Variants in RAB26 observed in about 807,000 individuals in gnomAD.
RAB26 encodes the protein RAB26, member RAS oncogene family.
A neutral mutation model predicts 33.1 loss-of-function variants in RAB26; 39 were observed. The ratio of observed to expected loss-of-function variants is 1.18; its 90% CI spans 0.91 to 1.54. RAB26 has a LOEUF of 1.54. Among genes scored for constraint, RAB26 ranks in the 40% most tolerant of loss-of-function variants. RAB26 has a pLI of 0.00. For missense variants in RAB26, 468 were observed against 362.9 expected, an observed-to-expected ratio of 1.29 and a Z score of -2.35; for synonymous variants, 192 against 151.9, an observed-to-expected ratio of 1.26 and a Z score of -1.94.
At position 2,153,105 on chromosome 16, in the gene RAB26, C is replaced by T. The variant is rs116563915; in HGVS notation, c.592-41C>T. The T allele has an allele frequency of 4.2e-3, 6,842 of 1,613,122 alleles. 278 individuals carry two copies. In the African/African-American group the frequency reaches 0.08, roughly 19 times the overall value. On this transcript the variant is annotated intron_variant, in intron 7 of 8. Coordinates refer to ENST00000210187, the MANE Select transcript of RAB26 (RefSeq NM_014353.5). ...CCTGGAGGCTGCGAGCCTAGGCTGT[C>T]CCCGCCAGGCCACCACCTGGCTGGC...
At chr16:2,152,190 A>T (rs1273286924) in intron 5 of RAB26, among the ~76,000 whole-genome samples, 1 of 152,234 alleles carries the variant, frequency 6.6e-6, no homozygotes, top group Non-Finnish European at 1.5e-5. Flanking sequence ...ATGGCGGCTC[A>T]CCTGAGGTCA....
In RAB26 at chr16:2,153,520, C is replaced by T. The variant is rs879702403; in HGVS notation, c.*99C>T. On this transcript the variant is annotated 3_prime_UTR_variant, in exon 9 of 9. Coordinates refer to ENST00000210187, the MANE Select transcript of RAB26 (RefSeq NM_014353.5). ...TCTGACTTTGTTGCCCAGTGGCCAA[C>T]GCCCGAGTGTCTGTTTTCAGGAGCC... 24 of 1,102,116 alleles carry T rather than the reference C, an allele frequency of 2.2e-5. No homozygotes were observed. The highest frequency in any genetic ancestry group is 2.9e-5 in the Non-Finnish European group (22 of 755,300). The allele number at this position is 1,102,116 out of a possible 1,614,324, so 68.3% of individuals were successfully genotyped here. A position where few individuals can be genotyped will look rare whatever the true frequency, so the allele number is the denominator to read the frequency against.
At chr16:2,153,107 C>T (rs898694219) in intron 7 of RAB26, 39 bp from the exon 8 acceptor site, 1 of 1,613,048 alleles carries the variant, frequency 6.2e-7, no homozygotes, top group Admixed American at 1.7e-5. Flanking sequence ...TAGGCTGTCC[C>T]CGCCAGGCCA....
Position 2,148,871 on chromosome 16 carries a change from C to G in RAB26, c.88C>G (p.Arg30Gly). The change falls in exon 1 of 9, where the codon CGC becomes GGC. Residue 30 changes from arginine (R) to glycine (G), a missense_variant. Transcript: ENST00000210187. ...LPTANGARPA[R>G]SGTALSGPDA... ...CACCGCCAACGGGGCCCGACCGGCG[C>G]GCTCCGGGACTGCGCTTTCCGGCCC... 7.2e-7 allele frequency: 1 copy of G among 1,393,328 alleles called. No individual in the cohort carries two copies. 86.3% of individuals were successfully genotyped at this position (1,393,328 alleles called of 1,614,324 possible).
chr16:2,151,922 C>T lies in RAB26; in HGVS notation c.468+14C>T. 6.2e-7 allele frequency: 1 copy of T among 1,614,088 alleles called. No homozygotes were observed. The highest frequency in any genetic ancestry group is 8.5e-7 in the Non-Finnish European group (1 of 1,180,014). On this transcript the variant is annotated intron_variant, in intron 5 of 8. Transcript: ENST00000210187. ...GACAACATCCAGGTCAGTGGCTTTCCTGGTGGGGTGAAAGGGCCCTGATAG... is the reference window on the plus strand; with the variant it reads ...GACAACATCCAGGTCAGTGGCTTTCTTGGTGGGGTGAAAGGGCCCTGATAG...
Position 2,153,407 on chromosome 16 carries a change from T to C in RAB26, c.757T>C (p.Cys253Arg). ...YVKREGRGAS[C>R]CRP ...TAAGAGGGAGGGTCGAGGGGCCTCCTGCTGCCGCCCTTGAACCTGGCTGAG... is the reference window on the plus strand; with the variant it reads ...TAAGAGGGAGGGTCGAGGGGCCTCCCGCTGCCGCCCTTGAACCTGGCTGAG... The change falls in exon 9 of 9, where the codon TGC becomes CGC. Residue 253 changes from cysteine (C) to arginine (R), a missense_variant. Transcript: ENST00000210187. The C allele has an allele frequency of 6.2e-7, 1 of 1,613,384 alleles. No individual in the cohort carries two copies. Among genetic ancestry groups the C allele is most frequent in the Non-Finnish European group, 8.5e-7 (1 of 1,180,006 alleles).
intron 1 of RAB26, 125 bp from the exon 2 acceptor site, chr16:2,149,816 C>CT (rs766890434): frequency 1.5e-6 from 1 of 659,820 alleles, no homozygotes; most frequent in Non-Finnish European, 2.5e-6. Context: ...ATCGGGGTCC[C>CT]TGGCCCCGCT....
chr16:2,152,733 C>G, intron 5 of RAB26, 87 bp from the exon 6 acceptor site: 1 of 1,018,066 alleles, frequency 9.8e-7, no homozygotes, highest in Non-Finnish European at 1.4e-6. Context: ...GACAGGTGCC[C>G]TCTACAGTGT....
At chr16:2,149,100 G>A (rs866645477) in intron 1 of RAB26, 122 bp downstream of exon 1, 16 of 1,012,922 alleles carry the variant, frequency 1.6e-5, no homozygotes, top group Non-Finnish European at 1.8e-5. Flanking sequence ...GACGCGGGAG[G>A]AACCCCGTGG....
chr16:2,153,299 T>G lies in RAB26; in HGVS notation c.669-20T>G, dbSNP rs755521389. On this transcript the variant is annotated intron_variant, in intron 8 of 8. Coordinates refer to ENST00000210187, the MANE Select transcript of RAB26 (RefSeq NM_014353.5). ...TTAGAGTCCAGGCCATCGTGTCCCC[T>G]TGTCACCCCCACTCCGCAGGGAGTT... 1 of 1,613,396 alleles carries G rather than the reference T, an allele frequency of 6.2e-7. No individual in the cohort carries two copies. Among genetic ancestry groups the G allele is most frequent in the African/African-American group, 1.3e-5 (1 of 74,930 alleles).
At chr16:2,151,485 CAG>C (rs1204689800) in intron 2 of RAB26, 82 bp from the exon 3 acceptor site, 4 of 1,597,206 alleles carry the variant, frequency 2.5e-6, no homozygotes, top group Non-Finnish European at 2.6e-6. Context: ...TGGGAGGTCT[CAG>C]GGGACAGGAA....
chr16:2,149,571 CCTACTGGGATGTGGAGAAG>C (rs1258621251), intron 1 of RAB26, among the ~76,000 whole-genome samples: 1 of 152,032 alleles, frequency 6.6e-6, no homozygotes, highest in Non-Finnish European at 1.5e-5. Flanking sequence ...GGGTCATGTC[CCTACTGGGATGTGGAGAAG>C]CCCCCGGCAG....
At chr16:2,151,640 G>A in intron 3 of RAB26, 30 bp downstream of exon 3, 1 of 1,614,066 alleles carries the variant, frequency 6.2e-7, no homozygotes, top group Non-Finnish European at 8.5e-7. Context: ...ACAAGTTGGG[G>A]GACAGGGGAC....
chr16:2,151,875 T>C lies in RAB26; in HGVS notation c.435T>C (p.Asp145=), dbSNP rs767417290. 1.9e-6 allele frequency: 3 copies of C among 1,614,158 alleles called. No individual in the cohort carries two copies. Among genetic ancestry groups the C allele is most frequent in the South Asian group, 2.2e-5 (2 of 91,088 alleles). The change falls in exon 5 of 9, where the codon GAT becomes GAC. Residue 145 remains aspartate, a synonymous_variant. Coordinates refer to ENST00000210187, the MANE Select transcript of RAB26 (RefSeq NM_014353.5). ...RDAHALLLLY[D]VTNKASFDNI... Reference sequence around the variant, plus strand: ...CCCCAGCTCTGCTGCTGCTCTACGATGTCACCAACAAGGCCTCCTTTGACA... The same window carrying C: ...CCCCAGCTCTGCTGCTGCTCTACGACGTCACCAACAAGGCCTCCTTTGACA...
chr16:2,151,544 A>G, intron 2 of RAB26, 25 bp from the exon 3 acceptor site: 1 of 1,613,328 alleles, frequency 6.2e-7, no homozygotes, highest in Non-Finnish European at 8.5e-7. Context: ...CCCATGCCAG[A>G]GCTGCCTGGT....
chr16:2,151,517 C>A lies in RAB26; in HGVS notation c.307-52C>A, dbSNP rs560934046. On this transcript the variant is annotated intron_variant, in intron 2 of 8. Coordinates refer to ENST00000210187, the MANE Select transcript of RAB26 (RefSeq NM_014353.5). The stretch of plus-strand genomic sequence containing the variant: ...CAGGAAGGCAGTGAAGCTAGTGGGA[C>A]CAGAGGCTGGGCTGGGCCCATGCCA... The A allele has an allele frequency of 7.4e-6, 12 of 1,612,080 alleles. No homozygotes were observed. The East Asian group carries it at 2.7e-4, about 36-fold the overall frequency.
chr16:2,153,953 G>C lies in RAB26; in HGVS notation c.*532G>C. 3 of 394,888 alleles carry C rather than the reference G, an allele frequency of 7.6e-6. No individual in the cohort carries two copies. The highest frequency in any genetic ancestry group is 1.5e-5 in the Non-Finnish European group (3 of 196,134). The allele number at this position is 394,888 out of a possible 1,614,324, so 24.5% of individuals were successfully genotyped here. On this transcript the variant is annotated 3_prime_UTR_variant, in exon 9 of 9. Transcript: ENST00000210187. ...TAGGGTCTTCCTCACTGACCTTGGAGGATGCCTGTGGCCTTGTGATAAAAT... is the reference window on the plus strand; with the variant it reads ...TAGGGTCTTCCTCACTGACCTTGGACGATGCCTGTGGCCTTGTGATAAAAT...
Position 2,149,952 on chromosome 16 carries a change from G to A in RAB26, c.207G>A (p.Val69=). 2 of 1,536,542 alleles carry A rather than the reference G, an allele frequency of 1.3e-6. No individual in the cohort carries two copies. The highest frequency in any genetic ancestry group is 1.8e-6 in the Non-Finnish European group (2 of 1,139,884). The change falls in exon 2 of 9, where the codon GTG becomes GTA. Residue 69 remains valine (V), a synonymous_variant. Coordinates refer to ENST00000210187, the MANE Select transcript of RAB26 (RefSeq NM_014353.5). ...CCTGCTTGTCCTAGGTCATGCTGGT[G>A]GGGGACTCGGGTGTGGGGAAGACCT... The part of the protein sequence containing the change: ...FYDVAFKVML[V]GDSGVGKTCL...
chr16:2,150,723 C>T (rs1467551436), intron 2 of RAB26, among the ~76,000 whole-genome samples: 2 of 151,770 alleles, frequency 1.3e-5, no homozygotes, highest in East Asian at 3.9e-4. Flanking sequence ...TTCCCCACCT[C>T]CCTCTTGGCT....
Sources: allele counts gnomAD v4.1 joint callset (sites outside exome capture counted in the v4.1 genomes callset), GRCh38; gene constraint gnomAD v4.1.1; transcripts MANE v1.5; gene names NCBI Gene and HGNC (gene_info 2026-07-23, HGNC 2026-07-21).